ULK4: variants seen among roughly 807,000 people sequenced by gnomAD.
ULK4 encodes unc-51 like kinase 4.
Under a neutral mutation model 160.6 loss-of-function variants are expected in ULK4, and 133 were observed. The observed-to-expected ratio is 0.83, with a 90% confidence interval of 0.72 to 0.96. The LOEUF is 0.96. Ranked by LOEUF, ULK4 falls within the 40% of genes least tolerant of loss-of-function variation. The pLI is 0.00. For missense variants in ULK4, 1,580 were observed against 1,499.5 expected, an observed-to-expected ratio of 1.05 and a Z score of -0.89; for synonymous variants, 534 against 539.8, an observed-to-expected ratio of 0.99 and a Z score of 0.15.
intron 35 of ULK4, among the ~76,000 whole-genome samples, chr3:41,384,273 T>C (rs1195190415): frequency 1.3e-5 from 2 of 151,782 alleles, no homozygotes; most frequent in African/African-American, 4.8e-5. Flanking sequence ...AGATATTCCA[T>C]AAGACAAGTG....
chr3:41,924,263 A>C (rs1373744016), intron 5 of ULK4, among the ~76,000 whole-genome samples: 1 of 152,148 alleles, frequency 6.6e-6, no homozygotes, highest in Admixed American at 6.5e-5. Context: ...CGCCATACTT[A>C]GACAGTGAAT....
chr3:41,641,978 T>A (rs543699585), intron 30 of ULK4, among the ~76,000 whole-genome samples: 1 of 151,402 alleles, frequency 6.6e-6, no homozygotes, highest in Non-Finnish European at 1.5e-5. Context: ...CAGGTTCAAG[T>A]GGTTCTCGTG....
chr3:41,699,786 G>A (rs2036611248), intron 27 of ULK4, among the ~76,000 whole-genome samples: 1 of 152,052 alleles, frequency 6.6e-6, no homozygotes. Context: ...CTCAAAAAGA[G>A]GTAATTAGAA....
intron 17 of ULK4, among the ~76,000 whole-genome samples, chr3:41,876,971 A>G (rs1003641127): frequency 6.6e-6 from 1 of 152,194 alleles, no homozygotes; most frequent in Non-Finnish European, 1.5e-5. Context: ...ACACTTGGCA[A>G]TAATTCATTA....
chr3:41,853,339 A>C (rs1280981885), intron 17 of ULK4, among the ~76,000 whole-genome samples: 1 of 152,148 alleles, frequency 6.6e-6, no homozygotes, highest in Non-Finnish European at 1.5e-5. Context: ...AGCTTTAAAG[A>C]CTAGAGACAC....
intron 27 of ULK4, among the ~76,000 whole-genome samples, chr3:41,695,244 T>C (rs1437023011): frequency 6.6e-6 from 1 of 152,222 alleles, no homozygotes; most frequent in African/African-American, 2.4e-5. Flanking sequence ...AGTTTCAATA[T>C]ATGAAGTTTG....
chr3:41,494,387 C>T (rs201790573), intron 32 of ULK4, among the ~76,000 whole-genome samples: 116,569 of 130,150 alleles, frequency 0.9, 52,779 homozygotes, highest in Middle Eastern at 0.96. Flanking sequence ...CAGCCCTTCA[C>T]GCTAAAAACT....
chr3:41,720,901 A>C (rs2037428604), intron 22 of ULK4, among the ~76,000 whole-genome samples: 1 of 152,170 alleles, frequency 6.6e-6, no homozygotes, highest in Non-Finnish European at 1.5e-5. Context: ...ACCTGTACAC[A>C]TATGATATGA....
chr3:41,811,602 A>C (rs1443794973), intron 19 of ULK4, among the ~76,000 whole-genome samples: 1 of 152,216 alleles, frequency 6.6e-6, no homozygotes, highest in African/African-American at 2.4e-5. Context: ...TTAGTTTTAA[A>C]TTATAAATTT....
At chr3:41,678,017 G>T (rs76580592) in intron 29 of ULK4, among the ~76,000 whole-genome samples, 4 of 152,142 alleles carry the variant, frequency 2.6e-5, no homozygotes, top group African/African-American at 9.7e-5. Context: ...AACTGGAACA[G>T]AAACACTGGC....
chr3:41,543,015 C>G (rs193226163), intron 32 of ULK4, among the ~76,000 whole-genome samples: 445 of 152,102 alleles, frequency 2.9e-3, no homozygotes, highest in African/African-American at 0.01. Context: ...GAAGAAGGTT[C>G]AGAGAGCATA....
intron 17 of ULK4, among the ~76,000 whole-genome samples, chr3:41,842,871 C>A (rs987998270): frequency 6.6e-6 from 1 of 152,308 alleles, no homozygotes; most frequent in East Asian, 1.9e-4. Flanking sequence ...AATAGCTCCA[C>A]ACAAGAATAG....
Position 41,821,705 on chromosome 3 carries a change from G to A in ULK4, c.1765-2199C>T, listed in dbSNP as rs1036227810. Among the ~76,000 whole-genome samples, 5 of 151,938 alleles carry A rather than the reference G, an allele frequency of 3.3e-5. No homozygotes were observed. The East Asian group carries it at 9.7e-4, about 29-fold the overall frequency. On this transcript the variant is annotated intron_variant, in intron 18 of 36. Transcript: ENST00000301831. ...TCACGGTATCTCATTTTGAAAACAAGACCCTCCTCATCCCTTGGCCCCTTT... is the reference window on the plus strand; with the variant it reads ...TCACGGTATCTCATTTTGAAAACAAAACCCTCCTCATCCCTTGGCCCCTTT...
intron 30 of ULK4, among the ~76,000 whole-genome samples, chr3:41,659,497 G>T (rs2125754763): frequency 6.6e-6 from 1 of 152,256 alleles, no homozygotes; most frequent in Non-Finnish European, 1.5e-5. Flanking sequence ...ATTCTTACTT[G>T]TAAGAGAAAT....
At chr3:41,322,611 C>T (rs187981464) in intron 35 of ULK4, among the ~76,000 whole-genome samples, 2 of 152,294 alleles carry the variant, frequency 1.3e-5, no homozygotes, top group Admixed American at 6.5e-5. Flanking sequence ...TACATTTCTT[C>T]AAAGCTCCCT....
chr3:41,544,141 A>C (rs185132096), intron 32 of ULK4, among the ~76,000 whole-genome samples: 1 of 152,256 alleles, frequency 6.6e-6, no homozygotes, highest in Admixed American at 6.6e-5. Context: ...TGGATGATAT[A>C]ATGTGTCAAC....
chr3:41,891,640 C>T (rs1406509989), intron 16 of ULK4, among the ~76,000 whole-genome samples: 6 of 152,188 alleles, frequency 3.9e-5, no homozygotes, highest in African/African-American at 1.4e-4. Context: ...GGCGCGGTGG[C>T]TCATGCCTAT....
intron 21 of ULK4, 75 bp downstream of exon 21, chr3:41,789,586 A>T (rs1226716064): frequency 7.3e-7 from 1 of 1,367,486 alleles, no homozygotes; most frequent in Non-Finnish European, 9.8e-7. Context: ...CAAACATGAC[A>T]TTACTTGTGG....
chr3:41,895,688 C>G, intron 15 of ULK4, 124 bp from the exon 16 acceptor site: 1 of 428,738 alleles, frequency 2.3e-6, no homozygotes, highest in East Asian at 4.1e-5. Context: ...CACTGTACAC[C>G]AAAAATGGTA....
Sources: allele counts gnomAD v4.1 joint callset (sites outside exome capture counted in the v4.1 genomes callset), GRCh38; gene constraint gnomAD v4.1.1; transcripts MANE v1.5; gene names NCBI Gene and HGNC (gene_info 2026-07-23, HGNC 2026-07-21).